Variants in CRTC2 observed in about 807,000 individuals in gnomAD.
The protein encoded by CRTC2 is CREB-regulated transcription coactivator 2.
CRTC2 carries 25 observed loss-of-function variants against 70.9 expected under a neutral mutation model. That is an observed-to-expected ratio of 0.35 (90% CI 0.26 to 0.49). CRTC2 has a LOEUF of 0.49. CRTC2 is among the 20% of genes least tolerant of loss of function. The probability of loss-of-function intolerance (pLI) is 0.98; values close to 1 mark genes in which losing one functional copy is unlikely to be tolerated. For synonymous variants in CRTC2, 330 were observed against 364.1 expected (o/e 0.91, Z 1.07); for missense variants, 737 against 882.6 (o/e 0.83, Z 2.09).
At chr1:153,954,524 A>AG (rs1245726067) in intron 3 of CRTC2, among the ~76,000 whole-genome samples, 2 of 152,368 alleles carry the variant, frequency 1.3e-5, no homozygotes, top group African/African-American at 4.8e-5. Flanking sequence ...ATGTTCAGGC[A>AG]GGGCTTGGAG....
intron 1 of CRTC2, chr1:153,957,920 G>A: frequency 1.8e-6 from 1 of 553,974 alleles, no homozygotes; most frequent in Non-Finnish European, 2.4e-6. Context: ...AAGGCAGAGG[G>A]ACCAGTTTGG....
At chr1:153,949,530 A>G in intron 11 of CRTC2, 146 bp from the exon 12 acceptor site, 1 of 849,458 alleles carries the variant, frequency 1.2e-6, no homozygotes. Flanking sequence ...CCTGGGGTTG[A>G]GTGCAGTTAC....
rs748759162 is a variant in CRTC2 at position 153,951,680 on chromosome 1, CA to C, written c.998-15del. 2 of 1,609,452 alleles carry C rather than the reference CA, an allele frequency of 1.2e-6. No individual in the cohort carries two copies. The highest frequency in any genetic ancestry group is 1.7e-6 in the Non-Finnish European group (2 of 1,178,160). ...GTGAATGAAGTCCTGCAGGCACAGA[CA>C]AAAAACCAGAGATGCCAACATTACT... On this transcript the variant is annotated splice_polypyrimidine_tract_variant and intron_variant, in intron 10 of 13. Transcript: ENST00000368633.
Position 153,955,125 on chromosome 1 carries a change from A to G in CRTC2, c.195T>C (p.Ser65=), listed in dbSNP as rs1261919205. 2 of 1,614,058 alleles carry G rather than the reference A, an allele frequency of 1.2e-6. No individual in the cohort carries two copies. Among genetic ancestry groups the G allele is most frequent in the South Asian group, 1.1e-5 (1 of 91,084 alleles). ...QKLRLAYTRS[S]HYGGSLPNVN... ...CATTGGGCAGAGACCCACCATAATG[A>G]GAGCTCCTTGTGTATGCCAGTCGCA... Residue 65 remains serine, a synonymous_variant, in exon 2 of 14, where the codon TCT becomes TCC. Transcript: ENST00000368633.
intron 7 of CRTC2, 74 bp from the exon 8 acceptor site, chr1:153,952,709 T>C (rs529627884): frequency 3.9e-5 from 62 of 1,602,626 alleles, no homozygotes; most frequent in South Asian, 3.7e-4. Context: ...CAGAAGCAGG[T>C]GGGAAGGAGT....
At position 153,952,233 on chromosome 1, in the gene CRTC2, T is replaced by C. The variant is rs1488509633; in HGVS notation, c.782A>G (p.Asn261Ser). The C allele has an allele frequency of 1.2e-6, 2 of 1,610,322 alleles. No homozygotes were observed. Among genetic ancestry groups the C allele is most frequent in the Non-Finnish European group, 8.5e-7 (1 of 1,177,566 alleles). ...NIFPSPDQPA[N>S]VPVLPPAMNT... ...CATGGCAGGTGGGAGGACAGGCACA[T>C]TGGCAGGCTGGTCAGGAGATGGAAA... Residue 261 changes from asparagine (N) to serine (S), a missense_variant, in exon 10 of 14, where the codon AAT (asparagine) becomes AGT (serine). Around this residue, in one of 3 missense-constraint regions of CRTC2, gnomAD observed 699 missense variants for 823.7 expected, o/e 0.85. Coordinates refer to ENST00000368633, the MANE Select transcript of CRTC2 (RefSeq NM_181715.3).
chr1:153,953,763 T>C (rs1044133277), intron 4 of CRTC2, among the ~76,000 whole-genome samples, 157 bp from the exon 5 acceptor site: 1 of 151,902 alleles, frequency 6.6e-6, no homozygotes, highest in African/African-American at 2.4e-5. Context: ...TGCCTATGAT[T>C]GACCCCTCCC....
At chr1:153,957,119 GCA>G (rs1680657820) in intron 1 of CRTC2, among the ~76,000 whole-genome samples, 2 of 151,876 alleles carry the variant, frequency 1.3e-5, no homozygotes, top group East Asian at 1.9e-4. Context: ...GCACATGCGT[GCA>G]CAGACACCCT....
Position 153,953,665 on chromosome 1 carries a change from A to G in CRTC2, c.435-59T>C, listed in dbSNP as rs747881690. Reference sequence around the variant, plus strand: ...GCTGGCAGTGGACAAGAAGGTGGGCATAGGGGTTGGAAAATGTGGGGCAGC... The same window carrying G: ...GCTGGCAGTGGACAAGAAGGTGGGCGTAGGGGTTGGAAAATGTGGGGCAGC... On this transcript the variant is annotated intron_variant, in intron 4 of 13. Coordinates refer to ENST00000368633, the MANE Select transcript of CRTC2 (RefSeq NM_181715.3). 5.4e-6 allele frequency: 7 copies of G among 1,285,430 alleles called. No homozygotes were observed. The Admixed American group carries it at 1.4e-4, about 26-fold the overall frequency. The allele number at this position is 1,285,430 out of a possible 1,614,324, so 79.6% of individuals were successfully genotyped here. A position where few individuals can be genotyped will look rare whatever the true frequency, so the allele number is the denominator to read the frequency against.
At position 153,948,040 on chromosome 1, in the gene CRTC2, C is replaced by G; in HGVS notation, c.*69G>C. 6.9e-7 allele frequency: 1 copy of G among 1,454,228 alleles called. No homozygotes were observed. Among genetic ancestry groups the G allele is most frequent in the Non-Finnish European group, 9.6e-7 (1 of 1,042,934 alleles). The allele number at this position is 1,454,228 out of a possible 1,614,324, so 90.1% of individuals were successfully genotyped here. A position where few individuals can be genotyped will look rare whatever the true frequency, so the allele number is the denominator to read the frequency against. ...GACAGAGAGTAGAGTCTCTACCTGC[C>G]AGGGGGAAGGGAGGAAAGGAATGGT... is the stretch of plus-strand genomic sequence containing the variant. On this transcript the variant is annotated 3_prime_UTR_variant, in exon 14 of 14. Transcript: ENST00000368633.
rs567649028 is a variant in CRTC2 at position 153,949,078 on chromosome 1, A to G, written c.1674+37T>C. Reference sequence around the variant, plus strand: ...AGGCCCCATTGACCCACCCTCACCCACTCCCCTGCTTTTGAGCAAGGAGCC... The same window carrying G: ...AGGCCCCATTGACCCACCCTCACCCGCTCCCCTGCTTTTGAGCAAGGAGCC... On this transcript the variant is annotated intron_variant, in intron 12 of 13. Transcript: ENST00000368633. The G allele has an allele frequency of 2.0e-4, 325 of 1,589,806 alleles. 5 individuals are homozygous for G. In the South Asian group the frequency reaches 3.6e-3, roughly 18 times the overall value.
Position 153,948,339 on chromosome 1 carries a change from G to A in CRTC2, c.1862-10C>T. 13 of 1,614,144 alleles carry A rather than the reference G, an allele frequency of 8.1e-6. No homozygotes were observed. Among genetic ancestry groups the A allele is most frequent in the Non-Finnish European group, 1.1e-5 (13 of 1,179,964 alleles). On this transcript the variant is annotated splice_polypyrimidine_tract_variant and intron_variant, in intron 13 of 13. Transcript: ENST00000368633. ...CCTGGAGAGGAGTCCCCTGTGGGTA[G>A]AAGAGACAGGTGAGGACCCCATGTC...
At chr1:153,958,296 G>C (rs143873821) in intron 1 of CRTC2, 49 bp downstream of exon 1, 50 of 1,582,242 alleles carry the variant, frequency 3.2e-5, no homozygotes, top group Non-Finnish European at 3.9e-5. Context: ...TCCGGTCTCC[G>C]CTCCGTAACT....
chr1:153,950,739 A>G (rs1285645481), intron 11 of CRTC2, among the ~76,000 whole-genome samples: 1 of 152,208 alleles, frequency 6.6e-6, no homozygotes, highest in Non-Finnish European at 1.5e-5. Flanking sequence ...TGGGCTCCAC[A>G]GTAGGAAATT....
chr1:153,954,136 A>G (rs1409360981), intron 4 of CRTC2, 119 bp downstream of exon 4: 1 of 752,816 alleles, frequency 1.3e-6, no homozygotes, highest in East Asian at 2.7e-5. Flanking sequence ...CTGGCGTTAT[A>G]GGAAGAGGTA....
chr1:153,953,231 A>G (rs1680451933), intron 6 of CRTC2, 35 bp downstream of exon 6: 1 of 1,078,934 alleles, frequency 9.3e-7, no homozygotes, highest in African/African-American at 1.6e-5. Context: ...AAATAGCTCC[A>G]TGGTTACTCC....
Position 153,951,468 on chromosome 1 carries a change from G to A in CRTC2, c.1196C>T (p.Ser399Phe). The A allele has an allele frequency of 6.2e-7, 1 of 1,600,584 alleles. No individual in the cohort carries two copies. The highest frequency in any genetic ancestry group is 8.5e-7 in the Non-Finnish European group (1 of 1,173,224). ...TGAAGTGGAGGAGGAGGAAGAGGAGGAGGAGAGAGCCGGAGCACTGAGTGA... is the reference window on the plus strand; with the variant it reads ...TGAAGTGGAGGAGGAGGAAGAGGAGAAGGAGAGAGCCGGAGCACTGAGTGA... ...HPSLSAPALS[S>F]SSSSSSTSSP... Residue 399 changes from serine (S) to phenylalanine (F), a missense_variant, in exon 11 of 14, where the codon TCC becomes TTC. This residue lies in a region of CRTC2 where 699 missense variants were observed against 823.7 expected (regional missense o/e 0.85). Coordinates refer to ENST00000368633, the MANE Select transcript of CRTC2 (RefSeq NM_181715.3).
At chr1:153,956,187 G>T (rs547242384) in intron 1 of CRTC2, among the ~76,000 whole-genome samples, 1 of 152,220 alleles carries the variant, frequency 6.6e-6, no homozygotes, top group Non-Finnish European at 1.5e-5. Flanking sequence ...TGGAAAAACA[G>T]CACCAAAACC....
chr1:153,954,962 A>G lies in CRTC2; in HGVS notation c.283T>C (p.Ser95Pro), dbSNP rs1267968156. The change falls in exon 3 of 14, where the codon TCT becomes CCT. Residue 95 changes from serine (S) to proline (P), a missense_variant. Around this residue, in one of 3 missense-constraint regions of CRTC2, gnomAD observed 699 missense variants for 823.7 expected, o/e 0.85. Transcript: ENST00000368633. Reference protein sequence around the residue: ...QSPLHSPLDSSRSTRHHGLVE... With the variant: ...QSPLHSPLDSPRSTRHHGLVE... The stretch of plus-strand genomic sequence containing the variant: ...AGCCCATGGTGCCGAGTGCTCCGAG[A>G]TGAATCCAAAGGTGAGTGGAGGGGG... The G allele has an allele frequency of 6.2e-7, 1 of 1,614,134 alleles. No homozygotes were observed. The highest frequency in any genetic ancestry group is 2.2e-5 in the East Asian group (1 of 44,880).
Sources: allele counts gnomAD v4.1 joint callset (sites outside exome capture counted in the v4.1 genomes callset), GRCh38; gene constraint gnomAD v4.1.1; regional missense constraint gnomAD v4.1.1; transcripts MANE v1.5; gene names NCBI Gene and HGNC (gene_info 2026-07-23, HGNC 2026-07-21).